FBXL17: variants seen among roughly 807,000 people sequenced by gnomAD.
FBXL17 encodes F-box and leucine rich repeat protein 17.
FBXL17 carries 22 observed loss-of-function variants against 66.2 expected under a neutral mutation model. The ratio of observed to expected loss-of-function variants is 0.33; its 90% CI spans 0.24 to 0.47. The LOEUF is 0.47. Among genes scored for constraint, FBXL17 ranks in the 20% least tolerant of loss-of-function variants. The pLI is 1.00. For missense variants in FBXL17, 878 were observed against 948.2 expected (o/e 0.93, Z 0.97); for synonymous variants, 474 against 400.5 (o/e 1.18, Z -2.19).
At chr5:107,920,810 C>T (rs1352304518) in intron 7 of FBXL17, among the ~76,000 whole-genome samples, 1 of 151,912 alleles carries the variant, frequency 6.6e-6, no homozygotes, top group African/African-American at 2.4e-5. Context: ...TAATGTTCAC[C>T]AAGGCTAAGT....
intron 5 of FBXL17, among the ~76,000 whole-genome samples, chr5:108,193,950 G>A (rs1396325192): frequency 6.6e-6 from 1 of 151,332 alleles, no homozygotes; most frequent in Admixed American, 6.6e-5. Context: ...TTGCTTTCTA[G>A]GACATTTTAC....
At chr5:107,960,870 G>A (rs1751874024) in intron 7 of FBXL17, among the ~76,000 whole-genome samples, 1 of 152,130 alleles carries the variant, frequency 6.6e-6, no homozygotes, top group Non-Finnish European at 1.5e-5. Flanking sequence ...AATCCAAACT[G>A]TAGGGAGTTC....
At chr5:107,951,689 C>T (rs1419891306) in intron 7 of FBXL17, among the ~76,000 whole-genome samples, 1 of 152,214 alleles carries the variant, frequency 6.6e-6, no homozygotes. Context: ...TAGGTAATCC[C>T]AGGCAATGAT....
At chr5:108,100,691 T>C (rs1749567081) in intron 6 of FBXL17, among the ~76,000 whole-genome samples, 1 of 150,782 alleles carries the variant, frequency 6.6e-6, no homozygotes, top group South Asian at 2.1e-4. Context: ...CAAATATTCC[T>C]GGCTTCTTCA....
At chr5:108,092,617 G>A (rs1395259384) in intron 6 of FBXL17, among the ~76,000 whole-genome samples, 1 of 152,162 alleles carries the variant, frequency 6.6e-6, no homozygotes, top group Non-Finnish European at 1.5e-5. Context: ...TGCCTGGCAA[G>A]TGGGTGTATC....
chr5:108,024,562 C>T (rs1371968081), intron 6 of FBXL17, among the ~76,000 whole-genome samples: 2 of 151,898 alleles, frequency 1.3e-5, no homozygotes, highest in African/African-American at 4.8e-5. Flanking sequence ...GTTTATTTTC[C>T]TGCTTTTATG....
chr5:107,902,854 A>G (rs1203707966), intron 7 of FBXL17, among the ~76,000 whole-genome samples: 1 of 151,748 alleles, frequency 6.6e-6, no homozygotes, highest in African/African-American at 2.4e-5. Flanking sequence ...CTTTTGGTTC[A>G]TGTTCTAGTT....
chr5:107,937,262 C>T (rs1343087266), intron 7 of FBXL17, among the ~76,000 whole-genome samples: 1 of 152,084 alleles, frequency 6.6e-6, no homozygotes, highest in Non-Finnish European at 1.5e-5. Context: ...TGCTCAGTCA[C>T]CAATGGGTGA....
intron 7 of FBXL17, among the ~76,000 whole-genome samples, chr5:107,907,428 AG>A (rs749366757): frequency 2.6e-5 from 4 of 152,164 alleles, no homozygotes; most frequent in Non-Finnish European, 5.9e-5. Flanking sequence ...TGCCTGGCTC[AG>A]CGCAGCTGCA....
chr5:108,025,861 G>A (rs1254747441), intron 6 of FBXL17, among the ~76,000 whole-genome samples: 1 of 152,014 alleles, frequency 6.6e-6, no homozygotes, highest in Non-Finnish European at 1.5e-5. Context: ...TAATTCATAC[G>A]TGGGTCATTT....
chr5:108,226,623 T>C (rs914377647), intron 4 of FBXL17, among the ~76,000 whole-genome samples: 3 of 152,192 alleles, frequency 2.0e-5, no homozygotes, highest in African/African-American at 4.8e-5. Context: ...TTAAACATTA[T>C]TCTGGGTATT....
chr5:108,379,833 A>C (rs1025646287), intron 1 of FBXL17, among the ~76,000 whole-genome samples: 2 of 152,264 alleles, frequency 1.3e-5, no homozygotes, highest in Non-Finnish European at 2.9e-5. Flanking sequence ...TTGGTAGTTG[A>C]AAATGACACA....
chr5:108,262,053 A>ATTTT (rs200027378), intron 4 of FBXL17, among the ~76,000 whole-genome samples: 19,910 of 146,516 alleles, frequency 0.14, 1,576 homozygotes, highest in South Asian at 0.23. Flanking sequence ...AGTGATACAT[A>ATTTT]TTTTATTTAT....
intron 6 of FBXL17, among the ~76,000 whole-genome samples, chr5:108,037,196 C>A (rs999414762): frequency 6.6e-6 from 1 of 152,054 alleles, no homozygotes; most frequent in East Asian, 1.9e-4. Context: ...AAAAAAACAA[C>A]AGAAGCTATA....
intron 7 of FBXL17, among the ~76,000 whole-genome samples, chr5:107,982,551 T>A (rs896244515): frequency 6.6e-6 from 1 of 152,150 alleles, no homozygotes; most frequent in East Asian, 1.9e-4. Flanking sequence ...AGGAAAAACA[T>A]GCAACCATTT....
At chr5:108,002,101 C>A (rs751496329) in intron 7 of FBXL17, among the ~76,000 whole-genome samples, 9 of 151,804 alleles carry the variant, frequency 5.9e-5, no homozygotes, top group African/African-American at 2.2e-4. Flanking sequence ...CTGCAACCTC[C>A]GCCTCCCGGA....
At chr5:107,930,488 T>C (rs909174174) in intron 7 of FBXL17, among the ~76,000 whole-genome samples, 2 of 152,256 alleles carry the variant, frequency 1.3e-5, no homozygotes, top group Non-Finnish European at 2.9e-5. Context: ...GTCTTGTAAA[T>C]TCCCTGAAGC....
chr5:108,366,355 G>A (rs1748663768), intron 2 of FBXL17, among the ~76,000 whole-genome samples: 1 of 151,894 alleles, frequency 6.6e-6, no homozygotes, highest in African/African-American at 2.4e-5. Context: ...AAAAATAATG[G>A]AGACAGAAAA....
At chr5:108,150,902 T>C (rs1181115182) in intron 6 of FBXL17, among the ~76,000 whole-genome samples, 1 of 152,226 alleles carries the variant, frequency 6.6e-6, no homozygotes, top group Non-Finnish European at 1.5e-5. Flanking sequence ...AGCTAATATT[T>C]TGAGACTACA....
Sources: gnomAD v4.1 joint callset for allele counts (sites outside exome capture counted in the v4.1 genomes callset) on GRCh38, gnomAD v4.1.1 for gene constraint, MANE v1.5 for transcripts, NCBI Gene and HGNC (gene_info 2026-07-23, HGNC 2026-07-21) for gene names.